NDST4: variants seen among roughly 807,000 people sequenced by gnomAD.
NDST4 encodes the protein N-deacetylase and N-sulfotransferase 4.
Under a neutral mutation model 100.8 loss-of-function variants are expected in NDST4, and 63 were observed. That is an observed-to-expected ratio of 0.62 (90% CI 0.51 to 0.77). NDST4 has a LOEUF of 0.77. NDST4 is among the 30% of genes least tolerant of loss of function. The pLI is 0.00. For missense variants in NDST4, 943 were observed against 1,018.4 expected (o/e 0.93, Z 1.01); for synonymous variants, 377 against 361.8 (o/e 1.04, Z -0.48).
chr4:114,901,215 A>G (rs1724830712), intron 6 of NDST4, among the ~76,000 whole-genome samples: 1 of 151,976 alleles, frequency 6.6e-6, no homozygotes, highest in Admixed American at 6.6e-5. Context: ...TTTCTCCCTG[A>G]TGAATCTGTC....
intron 2 of NDST4, among the ~76,000 whole-genome samples, chr4:115,052,140 T>G (rs1728596078): frequency 6.6e-6 from 1 of 152,150 alleles, no homozygotes; most frequent in Non-Finnish European, 1.5e-5. Context: ...ATATTTAAAC[T>G]GGTCTTGAGC....
At chr4:114,969,448 A>T (rs1383228010) in intron 4 of NDST4, among the ~76,000 whole-genome samples, 1 of 151,848 alleles carries the variant, frequency 6.6e-6, no homozygotes, top group Non-Finnish European at 1.5e-5. Flanking sequence ...AGTATCAGAC[A>T]GGTAGTTTTT....
At chr4:114,873,563 G>A (rs2126197930) in intron 6 of NDST4, among the ~76,000 whole-genome samples, 1 of 151,926 alleles carries the variant, frequency 6.6e-6, no homozygotes, top group African/African-American at 2.4e-5. Context: ...TCTCACTCTT[G>A]AATTCTTTTA....
At chr4:115,000,489 G>A (rs1727265678) in intron 2 of NDST4, among the ~76,000 whole-genome samples, 1 of 151,902 alleles carries the variant, frequency 6.6e-6, no homozygotes, top group African/African-American at 2.4e-5. Flanking sequence ...ATGCAGTGAG[G>A]ACTATTTACA....
intron 2 of NDST4, among the ~76,000 whole-genome samples, chr4:115,019,879 A>G (rs1727771650): frequency 6.6e-6 from 1 of 152,072 alleles, no homozygotes; most frequent in Non-Finnish European, 1.5e-5. Context: ...CTACGGGATG[A>G]TGCAGCACAA....
At chr4:114,990,317 A>G (rs570319216) in intron 2 of NDST4, among the ~76,000 whole-genome samples, 2 of 152,210 alleles carry the variant, frequency 1.3e-5, no homozygotes, top group South Asian at 2.1e-4. Context: ...TAAAACTCCT[A>G]ATTATTATTT....
chr4:115,075,550 G>A (rs534350456), intron 2 of NDST4, among the ~76,000 whole-genome samples: 1 of 152,268 alleles, frequency 6.6e-6, no homozygotes, highest in African/African-American at 2.4e-5. Context: ...ACTTTGGAAG[G>A]TCAAGGCGGG....
chr4:115,007,646 G>C (rs1031036100), intron 2 of NDST4, among the ~76,000 whole-genome samples: 1 of 70,024 alleles, frequency 1.4e-5, no homozygotes, highest in Non-Finnish European at 3.0e-5. Context: ...TCCCAAGGAA[G>C]GTTGGGAGAA....
At chr4:114,847,658 T>C (rs1723584102) in intron 9 of NDST4, among the ~76,000 whole-genome samples, 2 of 151,808 alleles carry the variant, frequency 1.3e-5, no homozygotes, top group Non-Finnish European at 2.9e-5. Flanking sequence ...ATACTGTGAT[T>C]TTATTTTTTT....
At position 115,030,974 on chromosome 4, in the gene NDST4, A is replaced by G. The variant is rs146029255; in HGVS notation, c.978+45085T>C. On this transcript the variant is annotated intron_variant, in intron 2 of 13. Coordinates refer to ENST00000264363, the MANE Select transcript of NDST4 (RefSeq NM_022569.3). ...GTAGCCAATATAACTAGTTGAATTC[A>G]TTATTTCTCTTACAATGTCATCACC... Among the ~76,000 whole-genome samples the G allele has an allele frequency of 5.0e-3, 755 of 152,202 alleles. 12 individuals carry two copies. The highest frequency in any genetic ancestry group is 0.017 in the African/African-American group (713 of 41,558).
In NDST4 at chr4:114,935,338, A is replaced by T; in HGVS notation, c.1408-4T>A. Reference sequence around the variant, plus strand: ...CACAAGTCTGTCGAGGGAGGACCTGAGTAAAAAAGGGGAAAAACAGCACAT... The same window carrying T: ...CACAAGTCTGTCGAGGGAGGACCTGTGTAAAAAAGGGGAAAAACAGCACAT... On this transcript the variant is annotated splice_polypyrimidine_tract_variant and splice_region_variant and intron_variant, in intron 5 of 13. Transcript: ENST00000264363. 6.4e-7 allele frequency: 1 copy of T among 1,568,576 alleles called. No homozygotes were observed. The highest frequency in any genetic ancestry group is 8.6e-7 in the Non-Finnish European group (1 of 1,158,538).
At chr4:115,050,471 T>G (rs529853387) in intron 2 of NDST4, among the ~76,000 whole-genome samples, 1 of 152,106 alleles carries the variant, frequency 6.6e-6, no homozygotes, top group African/African-American at 2.4e-5. Flanking sequence ...GATTGTTGGT[T>G]TTTAATGGAA....
intron 4 of NDST4, among the ~76,000 whole-genome samples, chr4:114,944,253 G>A (rs1418105252): frequency 1.3e-5 from 2 of 152,178 alleles, no homozygotes; most frequent in Non-Finnish European, 2.9e-5. Context: ...AGAGAAGAAA[G>A]AGTGAAGTGG....
At chr4:114,861,393 T>C (rs1033007025) in intron 7 of NDST4, among the ~76,000 whole-genome samples, 12 of 152,198 alleles carry the variant, frequency 7.9e-5, no homozygotes, top group Admixed American at 6.5e-4. Flanking sequence ...AATCATGCTG[T>C]ATGTAAGAGT....
chr4:114,948,369 G>A lies in NDST4; in HGVS notation c.1222-10866C>T, dbSNP rs115020951. On this transcript the variant is annotated intron_variant, in intron 4 of 13. Coordinates refer to ENST00000264363, the MANE Select transcript of NDST4 (RefSeq NM_022569.3). ...TAAAATAATGATTGTTTGCAATTTT[G>A]TGGAACCTTTACTACCAGGCAAAGC... Among the ~76,000 whole-genome samples, 1,074 of 134,662 alleles carry A rather than the reference G, an allele frequency of 8.0e-3. 8 individuals carry two copies. Among genetic ancestry groups the A allele is most frequent in the African/African-American group, 0.026 (917 of 35,906 alleles). The allele number at this position is 134,662 out of a possible 152,430, so 88.3% of individuals were successfully genotyped here.
chr4:114,946,364 G>A (rs1010809868), intron 4 of NDST4, among the ~76,000 whole-genome samples: 7 of 152,094 alleles, frequency 4.6e-5, no homozygotes, highest in African/African-American at 1.4e-4. Context: ...AAAGAAGTAA[G>A]TAAATTGTGT....
chr4:114,881,521 G>A lies in NDST4; in HGVS notation c.1537-10571C>T, dbSNP rs1051790220. Among the ~76,000 whole-genome samples, 3 of 152,094 alleles carry A rather than the reference G, an allele frequency of 2.0e-5. No homozygotes were observed. In the East Asian group the frequency reaches 5.8e-4, roughly 29 times the overall value. ...TAGTGACTATCAGGAACCACACAGCGAGCTAACAAGAGAGTATAGAAGCAT... is the reference window on the plus strand; with the variant it reads ...TAGTGACTATCAGGAACCACACAGCAAGCTAACAAGAGAGTATAGAAGCAT... On this transcript the variant is annotated intron_variant, in intron 6 of 13. Coordinates refer to ENST00000264363, the MANE Select transcript of NDST4 (RefSeq NM_022569.3).
intron 2 of NDST4, among the ~76,000 whole-genome samples, chr4:115,044,488 A>G (rs905188312): frequency 6.6e-6 from 1 of 152,150 alleles, no homozygotes; most frequent in Non-Finnish European, 1.5e-5. Flanking sequence ...CAAAGTGAAG[A>G]AGGTCCTCCA....
intron 2 of NDST4, among the ~76,000 whole-genome samples, chr4:115,069,338 A>G (rs1027942786): frequency 1.3e-5 from 2 of 152,196 alleles, no homozygotes; most frequent in African/African-American, 4.8e-5. Flanking sequence ...TTGAAATAAG[A>G]AATTTGGTTT....
Sources: allele counts gnomAD v4.1 joint callset (sites outside exome capture counted in the v4.1 genomes callset), GRCh38; gene constraint gnomAD v4.1.1; transcripts MANE v1.5; gene names NCBI Gene and HGNC (gene_info 2026-07-23, HGNC 2026-07-21).